LRRC4C: variants seen among roughly 807,000 people sequenced by gnomAD.
The protein encoded by LRRC4C is leucine rich repeat containing 4C, also known as leucine-rich repeat-containing protein 4C.
Under a neutral mutation model 33.6 loss-of-function variants are expected in LRRC4C, and 5 were observed. That is an observed-to-expected ratio of 0.15 (90% CI 0.08 to 0.31). The LOEUF is 0.31. LRRC4C is among the 10% of genes least tolerant of loss of function. The pLI is 1.00. For missense variants in LRRC4C, 560 were observed against 796.7 expected, an observed-to-expected ratio of 0.70 and a Z score of 3.58; for synonymous variants, 329 against 302.0, an observed-to-expected ratio of 1.09 and a Z score of -0.93.
chr11:40,187,946 G>C (rs560607353), intron 5 of LRRC4C, among the ~76,000 whole-genome samples: 7 of 152,270 alleles, frequency 4.6e-5, no homozygotes, highest in African/African-American at 1.7e-4. Flanking sequence ...CCAGCCAGAA[G>C]TAAAAGGGGG....
At chr11:40,178,170 T>C (rs1860674666) in intron 5 of LRRC4C, among the ~76,000 whole-genome samples, 1 of 152,118 alleles carries the variant, frequency 6.6e-6, no homozygotes, top group Non-Finnish European at 1.5e-5. Flanking sequence ...TACTACCCGA[T>C]GGCAAGAAGG....
chr11:40,835,040 T>G (rs1952607807), intron 2 of LRRC4C, among the ~76,000 whole-genome samples: 1 of 151,972 alleles, frequency 6.6e-6, no homozygotes. Flanking sequence ...TTGATTGCAA[T>G]GCAACACACG....
chr11:40,902,967 T>C (rs143557054), intron 2 of LRRC4C, among the ~76,000 whole-genome samples: 2 of 152,200 alleles, frequency 1.3e-5, no homozygotes, highest in African/African-American at 4.8e-5. Flanking sequence ...TTAAGATCAT[T>C]AATGAAGGTA....
At chr11:41,085,665 G>A (rs944673301) in intron 1 of LRRC4C, among the ~76,000 whole-genome samples, 1 of 151,940 alleles carries the variant, frequency 6.6e-6, no homozygotes, top group Admixed American at 6.6e-5. Flanking sequence ...CTCTCTCAAC[G>A]CCTGGAAATG....
At chr11:40,761,197 T>C (rs1055234068) in intron 2 of LRRC4C, among the ~76,000 whole-genome samples, 1 of 152,104 alleles carries the variant, frequency 6.6e-6, no homozygotes, top group Non-Finnish European at 1.5e-5. Context: ...TGCTTTGAAT[T>C]TTAGGCCTTG....
chr11:41,424,821 C>T (rs1443469658), intron 1 of LRRC4C, among the ~76,000 whole-genome samples: 1 of 151,860 alleles, frequency 6.6e-6, no homozygotes, highest in African/African-American at 2.4e-5. Flanking sequence ...CATGCTTCCC[C>T]AAGGAATATA....
At chr11:41,207,125 T>C (rs893723370) in intron 1 of LRRC4C, among the ~76,000 whole-genome samples, 1 of 152,160 alleles carries the variant, frequency 6.6e-6, no homozygotes, top group South Asian at 2.1e-4. Flanking sequence ...CAACATTCTA[T>C]GCATTATTGT....
intron 1 of LRRC4C, among the ~76,000 whole-genome samples, chr11:41,438,845 A>C (rs1955524302): frequency 6.6e-6 from 1 of 152,214 alleles, no homozygotes; most frequent in South Asian, 2.1e-4. Context: ...TTTGATTCTA[A>C]ATGCAAAATA....
At chr11:40,953,697 T>C (rs564061503) in intron 1 of LRRC4C, among the ~76,000 whole-genome samples, 2 of 151,870 alleles carry the variant, frequency 1.3e-5, no homozygotes, top group African/African-American at 2.4e-5. Flanking sequence ...TTTCTGACCA[T>C]GTGGCATAAA....
chr11:40,524,074 G>A (rs1482586612), intron 3 of LRRC4C, among the ~76,000 whole-genome samples: 1 of 152,110 alleles, frequency 6.6e-6, no homozygotes, highest in African/African-American at 2.4e-5. Flanking sequence ...GAATCCGGAT[G>A]GGAAAGAGAG....
intron 2 of LRRC4C, among the ~76,000 whole-genome samples, chr11:40,898,028 T>C (rs1956029225): frequency 1.3e-5 from 2 of 151,936 alleles, no homozygotes; most frequent in Admixed American, 1.3e-4. Flanking sequence ...ATAAAATAGG[T>C]CTACAAAAAG....
At chr11:40,651,080 C>T (rs1180156946) in intron 2 of LRRC4C, among the ~76,000 whole-genome samples, 5 of 152,174 alleles carry the variant, frequency 3.3e-5, no homozygotes, top group Non-Finnish European at 5.9e-5. Context: ...TTGCATTTTA[C>T]ACCCTAAAAT....
intron 1 of LRRC4C, among the ~76,000 whole-genome samples, chr11:41,144,953 G>C (rs906650224): frequency 6.6e-6 from 1 of 152,122 alleles, no homozygotes; most frequent in African/African-American, 2.4e-5. Context: ...TTCAAAATCT[G>C]CCTCTGTTGT....
At chr11:40,818,296 CACTA>C (rs1247650801) in intron 2 of LRRC4C, among the ~76,000 whole-genome samples, 6 of 152,058 alleles carry the variant, frequency 3.9e-5, no homozygotes, top group African/African-American at 1.4e-4. Flanking sequence ...GTTTTATTCC[CACTA>C]AGGATCGCAA....
intron 3 of LRRC4C, among the ~76,000 whole-genome samples, chr11:40,358,257 G>A (rs1263912302): frequency 6.6e-6 from 1 of 152,044 alleles, no homozygotes; most frequent in Non-Finnish European, 1.5e-5. Context: ...TTGGAGAGGT[G>A]AGGTAAAGCT....
intron 2 of LRRC4C, among the ~76,000 whole-genome samples, chr11:40,797,224 T>C (rs1218296186): frequency 1.2e-4 from 19 of 152,102 alleles, no homozygotes. Flanking sequence ...CTAAGAAAGA[T>C]ACAGATATCT....
intron 2 of LRRC4C, among the ~76,000 whole-genome samples, chr11:40,916,022 G>T (rs1276606230): frequency 2.0e-5 from 3 of 152,164 alleles, no homozygotes; most frequent in Non-Finnish European, 4.4e-5. Flanking sequence ...AGTTAGAATG[G>T]CAATCATTAA....
At chr11:40,123,447 C>T (rs1280547808) in intron 6 of LRRC4C, among the ~76,000 whole-genome samples, 4 of 151,892 alleles carry the variant, frequency 2.6e-5, no homozygotes, top group Admixed American at 6.6e-5. Flanking sequence ...AAATACCAAT[C>T]GCAAACAATC....
chr11:40,905,168 GA>G (rs965829993), intron 2 of LRRC4C, among the ~76,000 whole-genome samples: 4 of 152,104 alleles, frequency 2.6e-5, no homozygotes, highest in African/African-American at 9.7e-5. Flanking sequence ...GTTTTGGTGG[GA>G]AAACCCCAAA....
Sources: gnomAD v4.1 joint callset for allele counts (sites outside exome capture counted in the v4.1 genomes callset) on GRCh38, gnomAD v4.1.1 for gene constraint, MANE v1.5 for transcripts, NCBI Gene and HGNC (gene_info 2026-07-23, HGNC 2026-07-21) for gene names.